Variants in MXD3 observed in about 807,000 individuals in gnomAD.
MXD3 encodes the protein MAX dimerization protein 3.
In MXD3, 20 loss-of-function variants were observed where a neutral mutation model predicts 27.5. The observed-to-expected ratio is 0.73, with a 90% CI of 0.51 to 1.06. The LOEUF is 1.06. Among genes scored for constraint, MXD3 ranks in the 50% least tolerant of loss-of-function variants. The pLI, the probability that MXD3 is intolerant of heterozygous loss-of-function variation, is 0.00. For missense variants in MXD3, 298 were observed against 291.3 expected (o/e 1.02, Z -0.17); for synonymous variants, 150 against 130.7 (o/e 1.15, Z -1.01).
chr5:177,311,509 G>GGGAACGCCCAGCCCTTGGCTCCGCCCCTC, intron 1 of MXD3, 25 bp from the exon 2 acceptor site: 1 of 1,410,362 alleles, frequency 7.1e-7, no homozygotes. Context: ...CCCCGCCCGC[G>GGGAACGCCCAGCCCTTGGCTCCGCCCCTC]TCAGGCTGGG....
upstream of MXD3, chr5:177,312,426 G>A (rs1761060913): frequency 1.0e-6 from 1 of 985,574 alleles, no homozygotes; most frequent in Non-Finnish European, 1.2e-6. Context: ...TCCCGCCGCT[G>A]ATCCACACGT....
downstream of MXD3, chr5:177,306,823 C>G (rs561463924): frequency 1.3e-6 from 1 of 751,124 alleles, no homozygotes; most frequent in East Asian, 2.7e-5. Flanking sequence ...CTCCAGGTAG[C>G]CTGCAGGTTA....
At position 177,307,371 on chromosome 5, in the gene MXD3, C is replaced by T. The variant is rs1043524138; in HGVS notation, c.*217G>A. On this transcript the variant is annotated 3_prime_UTR_variant, in exon 6 of 6. Transcript: ENST00000439742. ...CCCAAGCTGCCTGCCCTGCAGGGGT[C>T]CAGGGAGGTCCTGATGAGTCCTGCC... 8.7e-6 allele frequency: 13 copies of T among 1,502,426 alleles called. No homozygotes were observed. The highest frequency in any genetic ancestry group is 2.0e-5 in the Admixed American group (1 of 50,914). 93.1% of individuals were successfully genotyped at this position (1,502,426 alleles called of 1,614,324 possible).
At position 177,310,419 on chromosome 5, in the gene MXD3, G is replaced by T; in HGVS notation, c.321+7C>A. The T allele has an allele frequency of 6.2e-7, 1 of 1,606,984 alleles. No homozygotes were observed. ...CAAGCCAGTCCGGGCGCAGTGGGGG[G>T]CCTCACCTGGATGTGCATCCTGGCA... On this transcript the variant is annotated splice_region_variant and intron_variant, in intron 4 of 5. Coordinates refer to ENST00000439742, the MANE Select transcript of MXD3 (RefSeq NM_031300.4).
At chr5:177,306,314 C>T, downstream of MXD3, 1 of 1,583,110 alleles carries the variant, frequency 6.3e-7, no homozygotes, top group Non-Finnish European at 8.6e-7. Context: ...GGGTGAATAC[C>T]ACCTTTTTAG....
chr5:177,311,155 G>C (rs1761024978), intron 2 of MXD3: 5 of 526,126 alleles, frequency 9.5e-6, no homozygotes, highest in African/African-American at 2.0e-5. Flanking sequence ...CCCAACTGCT[G>C]TTGGCAGTTC....
In MXD3 at chr5:177,307,313, TG is replaced by T; in HGVS notation, c.*274del. The T allele has an allele frequency of 1.3e-6, 2 of 1,547,142 alleles. No individual in the cohort carries two copies. The highest frequency in any genetic ancestry group is 1.7e-6 in the Non-Finnish European group (2 of 1,143,868). ...AGGCCCAAGAGGCTTCCTGTCCCCTTGGGGGCAGCAGAGCCAAATGCTTGGG... is the reference window on the plus strand; with the variant it reads ...AGGCCCAAGAGGCTTCCTGTCCCCTTGGGGCAGCAGAGCCAAATGCTTGGG... On this transcript the variant is annotated 3_prime_UTR_variant, in exon 6 of 6. Transcript: ENST00000439742.
upstream of MXD3, chr5:177,312,387 C>T: frequency 3.0e-6 from 3 of 985,680 alleles, no homozygotes; most frequent in Non-Finnish European, 3.6e-6. Flanking sequence ...CCTCTGATGC[C>T]CTATTGGCTG....
downstream of MXD3, chr5:177,306,360 G>A (rs1208340016): frequency 6.2e-7 from 1 of 1,610,184 alleles, no homozygotes; most frequent in East Asian, 2.2e-5. Flanking sequence ...TGTCATGGGG[G>A]AGGGAAATTA....
chr5:177,308,050 GC>G, intron 4 of MXD3, 86 bp from the exon 5 acceptor site: 1 of 1,282,198 alleles, frequency 7.8e-7, no homozygotes. Flanking sequence ...CCGGGCCACG[GC>G]CACAGGGCCA....
At position 177,310,869 on chromosome 5, in the gene MXD3, CAA is replaced by C; in HGVS notation, c.177-174_177-173del. 4.2e-6 allele frequency: 3 copies of C among 718,192 alleles called. No individual in the cohort carries two copies. In the Admixed American group the frequency reaches 7.7e-5, roughly 19 times the overall value. 44.5% of individuals were successfully genotyped at this position (718,192 alleles called of 1,614,324 possible). A position where few individuals can be genotyped will look rare whatever the true frequency, so the allele number is the denominator to read the frequency against. On this transcript the variant is annotated intron_variant, in intron 2 of 5. Coordinates refer to ENST00000439742, the MANE Select transcript of MXD3 (RefSeq NM_031300.4). ...AGTCCCCTGGCAGGGCGAGGGGAGTCAAAGACACACGGAGCCAAATGCTTAAC... is the reference window on the plus strand; with the variant it reads ...AGTCCCCTGGCAGGGCGAGGGGAGTCAGACACACGGAGCCAAATGCTTAAC...
intron 2 of MXD3, chr5:177,310,988 A>C (rs1484206057): frequency 2.8e-5 from 16 of 577,732 alleles, no homozygotes; most frequent in Non-Finnish European, 4.9e-5. Flanking sequence ...TAACTGCGGA[A>C]ACAGATGTTT....
intron 4 of MXD3, 38 bp downstream of exon 4, chr5:177,310,388 C>G (rs1761005093): frequency 6.5e-7 from 1 of 1,546,816 alleles, no homozygotes; most frequent in Non-Finnish European, 8.8e-7. Context: ...CCTCCATACA[C>G]CAGGGCAAGC....
downstream of MXD3, chr5:177,305,643 G>A: frequency 1.8e-6 from 1 of 549,938 alleles, no homozygotes; most frequent in Non-Finnish European, 3.2e-6. Flanking sequence ...GATCTCAAGA[G>A]AGAGACCTTT....
At chr5:177,307,046 C>G (rs899519605), downstream of MXD3, 1 of 1,451,214 alleles carries the variant, frequency 6.9e-7, no homozygotes, top group Non-Finnish European at 9.1e-7. Context: ...CTCATTTCTA[C>G]CATCCGTGAA....
Position 177,311,372 on chromosome 5 carries a change from T to G in MXD3, c.176+7A>C. ...ACCCCCACTCCCGCCGCCCCCGGCC[T>G]CCTCACCGCCCGCTGTCCTGCGCGC... On this transcript the variant is annotated splice_region_variant and intron_variant, in intron 2 of 5. Coordinates refer to ENST00000439742, the MANE Select transcript of MXD3 (RefSeq NM_031300.4). 1.7e-6 allele frequency: 2 copies of G among 1,154,188 alleles called. No homozygotes were observed. Among genetic ancestry groups the G allele is most frequent in the Non-Finnish European group, 2.2e-6 (2 of 894,058 alleles). 71.5% of individuals were successfully genotyped at this position (1,154,188 alleles called of 1,614,324 possible).
rs1675760704 is a variant in MXD3, at chr5:177,307,547, G to A, written c.*41C>T. 1 of 1,601,808 alleles carries A rather than the reference G, an allele frequency of 6.2e-7. No individual in the cohort carries two copies. The highest frequency in any genetic ancestry group is 8.5e-7 in the Non-Finnish European group (1 of 1,175,774). On this transcript the variant is annotated 3_prime_UTR_variant, in exon 6 of 6. Transcript: ENST00000439742. ...GGGCTCCTGCCTGGCAAGTGGGCCT[G>A]GCACGAGTAGAGGGCAGAGGCCCGC...
At chr5:177,311,305 A>G in intron 2 of MXD3, 74 bp downstream of exon 2, 1 of 1,019,550 alleles carries the variant, frequency 9.8e-7, no homozygotes, top group Non-Finnish European at 1.4e-6. Context: ...GCAAGCAACA[A>G]GTGGGCAGAG....
At chr5:177,312,565 TCTGTCCCCAAGC>T, upstream of MXD3, 1 of 985,210 alleles carries the variant, frequency 1.0e-6, no homozygotes, top group Non-Finnish European at 1.2e-6. Flanking sequence ...CCCTCCGGGG[TCTGTCCCCAAGC>T]CTGCCTGCCA....
Sources: gnomAD v4.1 joint callset for allele counts on GRCh38, gnomAD v4.1.1 for gene constraint, MANE v1.5 for transcripts, NCBI Gene and HGNC (gene_info 2026-07-23, HGNC 2026-07-21) for gene names.